The following LRRTM3 variants were observed in gnomAD, a reference collection of about 807,000 sequenced individuals.
LRRTM3 encodes the protein leucine rich repeat transmembrane neuronal 3.
LRRTM3 carries 24 observed loss-of-function variants against 44.7 expected under a neutral mutation model. That is an observed-to-expected ratio of 0.54 (90% CI 0.39 to 0.76). LRRTM3 has a LOEUF of 0.76. LRRTM3 is among the 30% of genes least tolerant of loss of function. The pLI, the probability that LRRTM3 is intolerant of heterozygous loss-of-function variation, is 0.00. For synonymous variants in LRRTM3, 277 were observed against 278.7 expected (o/e 0.99, Z 0.06); for missense variants, 587 against 702.2 (o/e 0.84, Z 1.85).
chr10:67,097,416 C>T (rs1858067565), intron 2 of LRRTM3, among the ~76,000 whole-genome samples, 171 bp from the exon 3 acceptor site: 1 of 151,818 alleles, frequency 6.6e-6, no homozygotes, highest in Non-Finnish European at 1.5e-5. Context: ...TTGCACTGAT[C>T]TCACCATATA....
At chr10:67,094,690 A>T (rs1282449252) in intron 2 of LRRTM3, among the ~76,000 whole-genome samples, 1 of 151,772 alleles carries the variant, frequency 6.6e-6, no homozygotes, top group Non-Finnish European at 1.5e-5. Context: ...GGAAGAAATG[A>T]CTTAAATTTA....
chr10:67,101,063 T>C lies in LRRTM3; in HGVS notation c.*3267T>C, dbSNP rs1164166111. On this transcript the variant is annotated 3_prime_UTR_variant, in exon 3 of 3. Transcript: ENST00000361320. Reference sequence around the variant, plus strand: ...ACTGAATTATTTCTGTGTTCTACTCTGGGCTCTCACATTAAAACTCTGTTC... The same window carrying C: ...ACTGAATTATTTCTGTGTTCTACTCCGGGCTCTCACATTAAAACTCTGTTC... Among the ~76,000 whole-genome samples, 1 of 151,796 alleles carries C rather than the reference T, an allele frequency of 6.6e-6. No homozygotes were observed. Among genetic ancestry groups the C allele is most frequent in the African/African-American group, 2.4e-5 (1 of 41,412 alleles).
At chr10:67,014,097 G>C (rs1852507993) in intron 2 of LRRTM3, among the ~76,000 whole-genome samples, 1 of 152,132 alleles carries the variant, frequency 6.6e-6, no homozygotes, top group Non-Finnish European at 1.5e-5. Flanking sequence ...ACATTAGTTT[G>C]TATTTTGGTT....
At chr10:67,048,668 C>G (rs1449905138) in intron 2 of LRRTM3, among the ~76,000 whole-genome samples, 2 of 152,022 alleles carry the variant, frequency 1.3e-5, no homozygotes, top group Non-Finnish European at 2.9e-5. Flanking sequence ...CTATGACGCA[C>G]TACATAGCTC....
intron 2 of LRRTM3, among the ~76,000 whole-genome samples, chr10:66,979,437 T>A (rs1453160206): frequency 2.6e-5 from 4 of 152,162 alleles, no homozygotes; most frequent in Admixed American, 6.6e-5. Context: ...AAAGAAAGAA[T>A]GAAAAATTTA....
chr10:66,941,933 G>A (rs1333032915), intron 2 of LRRTM3, among the ~76,000 whole-genome samples: 1 of 152,128 alleles, frequency 6.6e-6, no homozygotes, highest in African/African-American at 2.4e-5. Flanking sequence ...AAGTCTGTTC[G>A]TGGAAGACTT....
At chr10:66,995,028 A>C (rs976370154) in intron 2 of LRRTM3, among the ~76,000 whole-genome samples, 4 of 152,140 alleles carry the variant, frequency 2.6e-5, no homozygotes, top group African/African-American at 9.7e-5. Context: ...TCTCATTCCA[A>C]GTATATGCTA....
rs190993017 is a variant in LRRTM3, at chr10:66,933,754, A to G, written c.1536+5302A>G. On this transcript the variant is annotated intron_variant, in intron 2 of 2. Coordinates refer to ENST00000361320, the MANE Select transcript of LRRTM3 (RefSeq NM_178011.5). ...TATAAATGTACAGGGACTTCCTTTT[A>G]TATGTCATTGCTTATGCAAAATTAC... Among the ~76,000 whole-genome samples, 261 of 152,306 alleles carry G rather than the reference A, an allele frequency of 1.7e-3. 2 individuals carry two copies. The highest frequency in any genetic ancestry group is 1.8e-3 in the Non-Finnish European group (120 of 68,014).
intron 2 of LRRTM3, among the ~76,000 whole-genome samples, chr10:67,079,468 A>C (rs1378675550): frequency 2.0e-5 from 3 of 152,240 alleles, no homozygotes; most frequent in African/African-American, 7.2e-5. Context: ...ATTCGCAAAT[A>C]TCTCCCGAGG....
chr10:67,088,387 A>AT (rs138342605), intron 2 of LRRTM3, among the ~76,000 whole-genome samples: 1 of 151,876 alleles, frequency 6.6e-6, no homozygotes, highest in Admixed American at 6.6e-5. Context: ...ATCCATATTT[A>AT]TTTTTTCTTG....
intron 2 of LRRTM3, among the ~76,000 whole-genome samples, chr10:66,941,363 T>C (rs554333597): frequency 6.6e-6 from 1 of 152,324 alleles, no homozygotes; most frequent in Admixed American, 6.5e-5. Flanking sequence ...ATTATCAAGA[T>C]TTATGACATA....
chr10:67,093,258 T>C lies in LRRTM3; in HGVS notation c.1537-4329T>C, dbSNP rs1409631027. 1.3e-5 allele frequency among the ~76,000 whole-genome samples: 2 copies of C among 151,922 alleles called. 1 individual carries two copies. Among genetic ancestry groups the C allele is most frequent in the Non-Finnish European group, 2.9e-5 (2 of 67,944 alleles). On this transcript the variant is annotated intron_variant, in intron 2 of 2. Coordinates refer to ENST00000361320, the MANE Select transcript of LRRTM3 (RefSeq NM_178011.5). ...TGCCCTTCCCTGAGCCTATTCCAAC[T>C]AGCTAGTTCAGACACTTAGGGTAAC... is the stretch of plus-strand genomic sequence containing the variant.
At chr10:66,967,560 T>C (rs1321991950) in intron 2 of LRRTM3, among the ~76,000 whole-genome samples, 2 of 151,996 alleles carry the variant, frequency 1.3e-5, no homozygotes, top group Non-Finnish European at 2.9e-5. Context: ...CTCTATACCT[T>C]TAAGCAGTAT....
chr10:66,928,801 C>T (rs552361916), intron 2 of LRRTM3, among the ~76,000 whole-genome samples: 1 of 152,128 alleles, frequency 6.6e-6, no homozygotes, highest in Non-Finnish European at 1.5e-5. Context: ...CGCTGTTAGC[C>T]TCCTGGTGGG....
intron 2 of LRRTM3, among the ~76,000 whole-genome samples, chr10:67,038,047 G>A (rs896965642): frequency 2.0e-5 from 3 of 152,008 alleles, no homozygotes; most frequent in Non-Finnish European, 2.9e-5. Flanking sequence ...TAATATTGTT[G>A]ACTGTGTCCA....
At chr10:67,016,161 C>A (rs75721842) in intron 2 of LRRTM3, among the ~76,000 whole-genome samples, 3,473 of 152,182 alleles carry the variant, frequency 0.023, 158 homozygotes, top group African/African-American at 0.08. Flanking sequence ...TAGTTTTATG[C>A]ATGAGTTTAT....
intron 2 of LRRTM3, among the ~76,000 whole-genome samples, chr10:67,055,525 A>C (rs1017296357): frequency 6.6e-6 from 1 of 152,218 alleles, no homozygotes; most frequent in African/African-American, 2.4e-5. Flanking sequence ...TCTGGAAAGG[A>C]GACAATGCCA....
intron 2 of LRRTM3, among the ~76,000 whole-genome samples, chr10:66,956,027 A>G (rs569788319): frequency 1.3e-5 from 2 of 152,256 alleles, no homozygotes; most frequent in Admixed American, 6.5e-5. Flanking sequence ...AATTCTGCAG[A>G]AGCTGACAAA....
At chr10:66,931,955 T>C (rs1487198468) in intron 2 of LRRTM3, among the ~76,000 whole-genome samples, 1 of 152,132 alleles carries the variant, frequency 6.6e-6, no homozygotes, top group Admixed American at 6.5e-5. Flanking sequence ...AAAAACAAAT[T>C]TTAATATTAT....
Sources: gnomAD v4.1 joint callset for allele counts (sites outside exome capture counted in the v4.1 genomes callset) on GRCh38, gnomAD v4.1.1 for gene constraint, MANE v1.5 for transcripts, NCBI Gene and HGNC (gene_info 2026-07-23, HGNC 2026-07-21) for gene names.